The following SLC9A9 variants were observed in gnomAD, a reference collection of about 807,000 sequenced individuals.
The protein encoded by SLC9A9 is solute carrier family 9 member A9, also known as sodium/hydrogen exchanger 9.
In SLC9A9, 62 loss-of-function variants were observed where a neutral mutation model predicts 77.8. That is an observed-to-expected ratio of 0.80 (90% CI 0.65 to 0.98). SLC9A9 has a LOEUF of 0.98. SLC9A9 is among the 50% of genes least tolerant of loss of function. SLC9A9 has a pLI of 0.00. For synonymous variants in SLC9A9, 320 were observed against 283.5 expected, an observed-to-expected ratio of 1.13 and a Z score of -1.29; for missense variants, 775 against 774.9, an observed-to-expected ratio of 1.00 and a Z score of 0.00.
chr3:143,522,089 G>C (rs1323429896), intron 9 of SLC9A9, among the ~76,000 whole-genome samples: 1 of 152,036 alleles, frequency 6.6e-6, no homozygotes, highest in Non-Finnish European at 1.5e-5. Context: ...GTTTGAAATT[G>C]ATTTTTCAGT....
intron 5 of SLC9A9, 149 bp from the exon 6 acceptor site, chr3:143,652,509 T>G (rs2038814661): frequency 1.4e-6 from 1 of 702,022 alleles, no homozygotes; most frequent in East Asian, 2.7e-5. Context: ...TCAAAAAATA[T>G]CTGATGCTTA....
intron 12 of SLC9A9, among the ~76,000 whole-genome samples, chr3:143,462,975 C>T (rs1173372852): frequency 6.6e-6 from 1 of 152,128 alleles, no homozygotes; most frequent in Admixed American, 6.5e-5. Flanking sequence ...GAAGCGGCTA[C>T]TATCATCATC....
chr3:143,738,453 A>G (rs1934997512), intron 4 of SLC9A9, among the ~76,000 whole-genome samples: 1 of 152,162 alleles, frequency 6.6e-6, no homozygotes. Flanking sequence ...TGTTTGTGAT[A>G]CCTAGAGTGG....
At chr3:143,552,866 G>A (rs1194252087) in intron 8 of SLC9A9, among the ~76,000 whole-genome samples, 2 of 152,142 alleles carry the variant, frequency 1.3e-5, no homozygotes, top group Non-Finnish European at 2.9e-5. Context: ...GCTTTCCGCT[G>A]TATACTTTGG....
intron 12 of SLC9A9, among the ~76,000 whole-genome samples, chr3:143,412,985 CAG>C (rs2034122900): frequency 6.6e-6 from 1 of 152,226 alleles, no homozygotes; most frequent in Non-Finnish European, 1.5e-5. Context: ...AAGTTTTAAA[CAG>C]AGGAACTGGT....
chr3:143,469,140 A>G (rs2035334519), intron 11 of SLC9A9, among the ~76,000 whole-genome samples: 1 of 152,154 alleles, frequency 6.6e-6, no homozygotes, highest in Admixed American at 6.5e-5. Flanking sequence ...AGCCTGCATG[A>G]CAGAGTGAGA....
intron 13 of SLC9A9, among the ~76,000 whole-genome samples, chr3:143,370,786 A>G (rs1035697291): frequency 2.6e-5 from 4 of 152,026 alleles, no homozygotes; most frequent in Non-Finnish European, 5.9e-5. Context: ...CCACTTCATC[A>G]TCGCTTTCAC....
chr3:143,467,333 T>C (rs760010359), intron 11 of SLC9A9, 143 bp from the exon 12 acceptor site: 1 of 1,010,098 alleles, frequency 9.9e-7, no homozygotes, highest in Non-Finnish European at 1.5e-6. Context: ...TAAAGAGTTG[T>C]AAGAAATAAA....
At chr3:143,431,020 C>T (rs1048997238) in intron 12 of SLC9A9, among the ~76,000 whole-genome samples, 2 of 152,196 alleles carry the variant, frequency 1.3e-5, no homozygotes, top group African/African-American at 4.8e-5. Context: ...TGGACTGCTT[C>T]CTCTAGGTTT....
chr3:143,516,704 TGA>T (rs1483791767), intron 9 of SLC9A9, among the ~76,000 whole-genome samples: 1 of 152,178 alleles, frequency 6.6e-6, no homozygotes, highest in Non-Finnish European at 1.5e-5. Flanking sequence ...ATATTTTTAT[TGA>T]GAGAGGTATA....
chr3:143,791,959 C>T (rs1228493152), intron 4 of SLC9A9, among the ~76,000 whole-genome samples: 2 of 152,104 alleles, frequency 1.3e-5, no homozygotes, highest in Non-Finnish European at 2.9e-5. Context: ...TGCTAATATT[C>T]AACAAACAGA....
At chr3:143,847,390 CAG>C (rs1219702057) in intron 1 of SLC9A9, among the ~76,000 whole-genome samples, 14 of 152,104 alleles carry the variant, frequency 9.2e-5, no homozygotes, top group Non-Finnish European at 5.9e-5. Flanking sequence ...TAATCTCTGT[CAG>C]ACTTTATTAA....
chr3:143,673,720 C>T (rs1212590419), intron 5 of SLC9A9, among the ~76,000 whole-genome samples: 1 of 151,734 alleles, frequency 6.6e-6, no homozygotes, highest in Non-Finnish European at 1.5e-5. Flanking sequence ...GACTTTCTGA[C>T]AACATTTCCT....
intron 12 of SLC9A9, among the ~76,000 whole-genome samples, chr3:143,462,708 T>C (rs80152342): frequency 0.011 from 1,652 of 152,322 alleles, 27 homozygotes; most frequent in African/African-American, 0.037. Flanking sequence ...GCCCAATCAC[T>C]TGTGATGGAT....
chr3:143,383,368 C>T (rs1164916375), intron 12 of SLC9A9, among the ~76,000 whole-genome samples: 7 of 152,196 alleles, frequency 4.6e-5, no homozygotes, highest in South Asian at 4.1e-4. Flanking sequence ...ACAAATGTAT[C>T]GCATTCAATC....
At chr3:143,725,858 C>T (rs1268106903) in intron 4 of SLC9A9, among the ~76,000 whole-genome samples, 1 of 147,968 alleles carries the variant, frequency 6.8e-6, no homozygotes, top group Non-Finnish European at 1.5e-5. Context: ...GCACATTGTG[C>T]ACATGTACCC....
At chr3:143,366,714 G>A (rs2032911997) in intron 13 of SLC9A9, among the ~76,000 whole-genome samples, 1 of 152,168 alleles carries the variant, frequency 6.6e-6, no homozygotes, top group African/African-American at 2.4e-5. Flanking sequence ...ATGAAGTGTG[G>A]TCTATTATTA....
chr3:143,606,436 C>CTCTATATATATATATATATATATA (rs1419410834), intron 6 of SLC9A9, among the ~76,000 whole-genome samples: 1 of 54,214 alleles, frequency 1.8e-5, no homozygotes, highest in Non-Finnish European at 3.2e-5. Flanking sequence ...CTCTCTCTCT[C>CTCTATATATATATATATATATATA]TATATATATA....
intron 12 of SLC9A9, among the ~76,000 whole-genome samples, chr3:143,424,539 A>C (rs1049336687): frequency 6.6e-6 from 1 of 151,714 alleles, no homozygotes; most frequent in African/African-American, 2.4e-5. Flanking sequence ...CGCCTCCCCA[A>C]GTGCTGGGTC....
Sources: allele counts gnomAD v4.1 joint callset (sites outside exome capture counted in the v4.1 genomes callset), GRCh38; gene constraint gnomAD v4.1.1; transcripts MANE v1.5; gene names NCBI Gene and HGNC (gene_info 2026-07-23, HGNC 2026-07-21).